Variants in SCFD2 observed in about 807,000 individuals in gnomAD.
SCFD2 encodes the protein sec1 family domain-containing protein 2.
A neutral mutation model predicts 58.9 loss-of-function variants in SCFD2; 54 were observed. The ratio of observed to expected loss-of-function variants is 0.92; its 90% CI spans 0.74 to 1.15. The LOEUF is 1.15. Ranked by LOEUF, SCFD2 falls within the 50% of genes most tolerant of loss-of-function variation. The pLI, the probability that SCFD2 is intolerant of heterozygous loss-of-function variation, is 0.00. For missense variants in SCFD2, 805 were observed against 836.6 expected (o/e 0.96, Z 0.47); for synonymous variants, 321 against 335.9 (o/e 0.96, Z 0.49).
At chr4:53,270,059 G>A (rs1251554916) in intron 4 of SCFD2, among the ~76,000 whole-genome samples, 1 of 151,960 alleles carries the variant, frequency 6.6e-6, no homozygotes, top group Non-Finnish European at 1.5e-5. Context: ...TTTCACCTGT[G>A]AGCATGAATG....
intron 4 of SCFD2, among the ~76,000 whole-genome samples, chr4:53,228,510 G>C (rs1185421482): frequency 3.3e-5 from 5 of 152,016 alleles, no homozygotes; most frequent in African/African-American, 9.7e-5. Flanking sequence ...AGATACAAAC[G>C]TTAAGATATT....
At chr4:53,227,391 A>C (rs1454951723) in intron 4 of SCFD2, among the ~76,000 whole-genome samples, 2 of 152,226 alleles carry the variant, frequency 1.3e-5, no homozygotes, top group Non-Finnish European at 2.9e-5. Flanking sequence ...AAAGAAATTT[A>C]GATCTTAAAT....
chr4:52,899,311 T>C (rs1485604652), intron 7 of SCFD2, among the ~76,000 whole-genome samples: 2 of 152,228 alleles, frequency 1.3e-5, no homozygotes, highest in Non-Finnish European at 2.9e-5. Flanking sequence ...CCATGTTTAG[T>C]GCTTCTTTCA....
chr4:53,333,120 C>A (rs2149135103), intron 2 of SCFD2, among the ~76,000 whole-genome samples: 1 of 122,762 alleles, frequency 8.1e-6, no homozygotes, highest in African/African-American at 3.1e-5. Flanking sequence ...AATGGAAGAA[C>A]ATTCCATGCT....
rs141266157 is a variant in SCFD2 at position 53,299,823 on chromosome 4, C to G, written c.1135+13813G>C. ...TTCTTAAAGAAAAGAATTTTCAACC[C>G]AGAATTTCATATCCAGCCAAACTAA... On this transcript the variant is annotated intron_variant, in intron 3 of 8. Coordinates refer to ENST00000401642, the MANE Select transcript of SCFD2 (RefSeq NM_152540.4). Among the ~76,000 whole-genome samples the G allele has an allele frequency of 9.2e-3, 1,397 of 152,254 alleles. 26 individuals carry two copies. Among genetic ancestry groups the G allele is most frequent in the African/African-American group, 0.032 (1,324 of 41,560 alleles).
At chr4:53,190,025 C>T (rs1727846925) in intron 4 of SCFD2, among the ~76,000 whole-genome samples, 1 of 152,190 alleles carries the variant, frequency 6.6e-6, no homozygotes, top group South Asian at 2.1e-4. Flanking sequence ...ATATCAGTAA[C>T]ATGATATGAA....
intron 5 of SCFD2, among the ~76,000 whole-genome samples, chr4:52,968,145 G>A (rs753481825): frequency 4.6e-5 from 7 of 151,960 alleles, no homozygotes; most frequent in Middle Eastern, 3.2e-3. Flanking sequence ...AGCCATCAAT[G>A]TTTGCTCATT....
At chr4:52,991,743 G>GTGTAGC (rs112857308) in intron 5 of SCFD2, among the ~76,000 whole-genome samples, 3,195 of 152,144 alleles carry the variant, frequency 0.021, 122 homozygotes, top group African/African-American at 0.072. Flanking sequence ...GAAACTGGGG[G>GTGTAGC]TGTAGCTGTA....
intron 1 of SCFD2, among the ~76,000 whole-genome samples, chr4:53,358,476 C>G (rs1214556563): frequency 1.3e-5 from 2 of 151,550 alleles, no homozygotes; most frequent in East Asian, 3.9e-4. Context: ...TCATTTGAAC[C>G]TGGAAGGTGA....
chr4:53,144,868 C>T (rs1464494108), intron 5 of SCFD2, among the ~76,000 whole-genome samples: 2 of 152,118 alleles, frequency 1.3e-5, no homozygotes, highest in Admixed American at 6.5e-5. Context: ...GGCCAGGGGT[C>T]GCCAACCCTG....
At chr4:53,354,916 T>C (rs1432424254) in intron 1 of SCFD2, among the ~76,000 whole-genome samples, 8 of 152,126 alleles carry the variant, frequency 5.3e-5, no homozygotes, top group Non-Finnish European at 8.8e-5. Flanking sequence ...TCCCAGATAG[T>C]TGAAACTATT....
At chr4:53,300,060 C>T (rs1448818003) in intron 3 of SCFD2, among the ~76,000 whole-genome samples, 1 of 152,144 alleles carries the variant, frequency 6.6e-6, no homozygotes, top group African/African-American at 2.4e-5. Flanking sequence ...AAAAAACTAG[C>T]TAACATCATA....
chr4:52,888,707 G>C (rs1407952693), intron 7 of SCFD2, among the ~76,000 whole-genome samples: 1 of 152,102 alleles, frequency 6.6e-6, no homozygotes, highest in Non-Finnish European at 1.5e-5. Context: ...TTTCTTAATA[G>C]GTTCCCTTTC....
chr4:53,167,380 A>G (rs1351858560), intron 4 of SCFD2, among the ~76,000 whole-genome samples: 1 of 152,214 alleles, frequency 6.6e-6, no homozygotes, highest in Non-Finnish European at 1.5e-5. Flanking sequence ...AAAGCACGTG[A>G]CTCATTTATT....
chr4:53,258,264 C>CCCATCA (rs1317586977), intron 4 of SCFD2, among the ~76,000 whole-genome samples: 1 of 151,854 alleles, frequency 6.6e-6, no homozygotes, highest in African/African-American at 2.4e-5. Context: ...TTTTTGTGTA[C>CCCATCA]CCATCACCCA....
chr4:53,050,953 G>T (rs1025958347), intron 5 of SCFD2, among the ~76,000 whole-genome samples: 1 of 152,132 alleles, frequency 6.6e-6, no homozygotes, highest in African/African-American at 2.4e-5. Flanking sequence ...ATCTTGATTA[G>T]GTCAGATCTC....
At chr4:52,884,428 G>C (rs550168956) in intron 8 of SCFD2, among the ~76,000 whole-genome samples, 3 of 141,952 alleles carry the variant, frequency 2.1e-5, no homozygotes, top group African/African-American at 7.9e-5. Context: ...TGGAAGGGAA[G>C]ACATCCCCAG....
At chr4:53,305,280 T>A (rs922748) in intron 3 of SCFD2, among the ~76,000 whole-genome samples, 38,491 of 152,104 alleles carry the variant, frequency 0.25, 5,350 homozygotes, top group East Asian at 0.33. Flanking sequence ...TGGTTTCACA[T>A]CTTACATTTA....
chr4:52,973,862 T>C (rs1187953410), intron 5 of SCFD2, among the ~76,000 whole-genome samples: 3 of 152,114 alleles, frequency 2.0e-5, no homozygotes, highest in Non-Finnish European at 4.4e-5. Flanking sequence ...GGCTGCTTCA[T>C]CATAGGCAAA....
Sources: allele counts gnomAD v4.1 joint callset (sites outside exome capture counted in the v4.1 genomes callset), GRCh38; gene constraint gnomAD v4.1.1; transcripts MANE v1.5; gene names NCBI Gene and HGNC (gene_info 2026-07-23, HGNC 2026-07-21).